Variants in CTBP2 observed in about 807,000 individuals in gnomAD.
The protein encoded by CTBP2 is C-terminal binding protein 2, also known as C-terminal-binding protein 2.
In CTBP2, 30 loss-of-function variants were observed where a neutral mutation model predicts 80.3. The observed-to-expected ratio is 0.37, with a 90% CI of 0.28 to 0.51. The LOEUF is 0.51. Among genes scored for constraint, CTBP2 ranks in the 20% least tolerant of loss-of-function variants. The pLI, the probability that CTBP2 is intolerant of heterozygous loss-of-function variation, is 0.93. For synonymous variants in CTBP2, 594 were observed against 587.4 expected (o/e 1.01, Z -0.16); for missense variants, 1,212 against 1,375.3 (o/e 0.88, Z 1.88).
chr10:125,027,557 G>A lies in CTBP2; in HGVS notation c.203C>T (p.Pro68Leu). 3 of 1,614,134 alleles carry A rather than the reference G, an allele frequency of 1.9e-6. No homozygotes were observed. The Middle Eastern group carries it at 5.0e-4, about 266-fold the overall frequency. Residue 68 changes from proline to leucine, a missense_variant, in exon 1 of 9, where the codon CCC becomes CTC. By Grantham distance (98) the Pro-to-Leu change is moderately conservative (BLOSUM62 -3). Around this residue, in one of 3 missense-constraint regions of CTBP2, gnomAD observed 848 missense variants for 782.3 expected, o/e 1.08. Transcript: ENST00000309035. ...ATAAACGGCCTCCCGGTACAGGTAG[G>A]GCTCGGCGGCCACGGGCAGGGCAGC... is the stretch of plus-strand genomic sequence containing the variant.
At chr10:125,128,671 C>T (rs565813120) in intron 1 of CTBP2, among the ~76,000 whole-genome samples, 1 of 152,314 alleles carries the variant, frequency 6.6e-6, no homozygotes, top group South Asian at 2.1e-4. Flanking sequence ...AGAAAGCCAA[C>T]GTTCTGTAGG....
chr10:125,155,565 T>A (rs919204669), intron 1 of CTBP2, among the ~76,000 whole-genome samples: 3 of 152,180 alleles, frequency 2.0e-5, no homozygotes, highest in African/African-American at 7.2e-5. Context: ...AGAGTCACAC[T>A]GATGGCTTTT....
At chr10:125,125,614 G>C (rs1855103889) in intron 1 of CTBP2, among the ~76,000 whole-genome samples, 1 of 152,202 alleles carries the variant, frequency 6.6e-6, no homozygotes, top group Non-Finnish European at 1.5e-5. Context: ...TGGGTCATAT[G>C]CATGTCACAT....
At chr10:125,137,831 C>A (rs1056789669) in intron 1 of CTBP2, among the ~76,000 whole-genome samples, 12 of 152,202 alleles carry the variant, frequency 7.9e-5, no homozygotes, top group African/African-American at 2.9e-4. Context: ...AATCAAATCA[C>A]ACACCAAAAC....
At chr10:125,098,736 G>GAGAC (rs1850084215) in intron 2 of CTBP2, among the ~76,000 whole-genome samples, 1 of 122,548 alleles carries the variant, frequency 8.2e-6, no homozygotes, top group Admixed American at 8.2e-5. Context: ...GAGAGAGAGA[G>GAGAC]AGAGAGAGAG....
intron 2 of CTBP2, among the ~76,000 whole-genome samples, chr10:125,080,862 C>A (rs1209683394): frequency 6.6e-6 from 1 of 151,786 alleles, no homozygotes; most frequent in Non-Finnish European, 1.5e-5. Context: ...ACTGCACATG[C>A]GTCACCTCCA....
chr10:125,015,757 G>A (rs74163307), intron 1 of CTBP2, among the ~76,000 whole-genome samples: 1,872 of 152,326 alleles, frequency 0.012, 50 homozygotes, highest in African/African-American at 0.042. Context: ...CAACAGAAGG[G>A]GATGTTTGAG....
At chr10:125,134,190 A>T (rs1255005526) in intron 1 of CTBP2, among the ~76,000 whole-genome samples, 1 of 152,226 alleles carries the variant, frequency 6.6e-6, no homozygotes, top group Non-Finnish European at 1.5e-5. Flanking sequence ...CATCACCAAC[A>T]GCCAACATGA....
chr10:125,149,614 G>A (rs1389455203), intron 1 of CTBP2, among the ~76,000 whole-genome samples: 2 of 152,156 alleles, frequency 1.3e-5, no homozygotes, highest in Non-Finnish European at 2.9e-5. Context: ...CGGAAACCAA[G>A]GATTTCCAGA....
chr10:125,094,524 G>A (rs1303344008), intron 2 of CTBP2, among the ~76,000 whole-genome samples: 2 of 152,240 alleles, frequency 1.3e-5, no homozygotes, highest in Non-Finnish European at 2.9e-5. Flanking sequence ...TCCGTGCCAA[G>A]CACGGTATGG....
At chr10:125,134,769 C>G (rs961886559) in intron 1 of CTBP2, among the ~76,000 whole-genome samples, 3 of 152,068 alleles carry the variant, frequency 2.0e-5, no homozygotes, top group Admixed American at 2.0e-4. Context: ...AGTACAGATG[C>G]GTGTGGCCAG....
At chr10:125,020,700 C>A (rs1956952580) in intron 1 of CTBP2, among the ~76,000 whole-genome samples, 1 of 152,192 alleles carries the variant, frequency 6.6e-6, no homozygotes, top group South Asian at 2.1e-4. Context: ...CCCCTTGGAG[C>A]TCTCCAGATG....
chr10:125,021,965 G>C (rs1293498712), intron 1 of CTBP2, among the ~76,000 whole-genome samples: 1 of 152,240 alleles, frequency 6.6e-6, no homozygotes, highest in Non-Finnish European at 1.5e-5. Flanking sequence ...CAGAGTCCTG[G>C]CTATGTGGCT....
chr10:124,991,376 A>G (rs180782962), intron 8 of CTBP2, among the ~76,000 whole-genome samples: 114 of 152,328 alleles, frequency 7.5e-4, no homozygotes, highest in African/African-American at 2.6e-3. Flanking sequence ...GCTTACGTGA[A>G]GGATAAATAA....
intron 3 of CTBP2, among the ~76,000 whole-genome samples, chr10:125,035,964 A>G (rs1018285792): frequency 2.0e-5 from 3 of 152,248 alleles, no homozygotes; most frequent in Non-Finnish European, 4.4e-5. Flanking sequence ...GCATCAGAAA[A>G]AAAAGGAACA....
At position 125,080,541 on chromosome 10, in the gene CTBP2, T is replaced by C. The variant is rs78801261; in HGVS notation, c.-102+30449A>G. Among the ~76,000 whole-genome samples, 1,097 of 152,306 alleles carry C rather than the reference T, an allele frequency of 7.2e-3. 19 individuals are homozygous for C. The highest frequency in any genetic ancestry group is 0.026 in the African/African-American group (1,062 of 41,564). On this transcript the variant is annotated intron_variant, in intron 2 of 10. Transcript: ENST00000337195. Reference sequence around the variant, plus strand: ...ACCTGTGCCATCTTGGCTGTCATCATTGGAAACACAATCTCCTGTGGATCT... The same window carrying C: ...ACCTGTGCCATCTTGGCTGTCATCACTGGAAACACAATCTCCTGTGGATCT...
upstream of CTBP2, among the ~76,000 whole-genome samples, chr10:125,030,346 T>C (rs867977455): frequency 3.0e-4 from 45 of 152,280 alleles, no homozygotes; most frequent in Middle Eastern, 6.8e-3. Context: ...CATAGCTGTG[T>C]CGGGGAGAGA....
intron 2 of CTBP2, among the ~76,000 whole-genome samples, chr10:125,101,315 G>A (rs1344411863): frequency 6.6e-6 from 1 of 152,226 alleles, no homozygotes; most frequent in African/African-American, 2.4e-5. Flanking sequence ...AGGCTCTTTG[G>A]TCACACTTAA....
chr10:125,158,253 A>G (rs980645699), intron 1 of CTBP2, among the ~76,000 whole-genome samples: 1 of 152,200 alleles, frequency 6.6e-6, no homozygotes, highest in African/African-American at 2.4e-5. Context: ...CAAAACAGCA[A>G]TCTTAGGTAC....
Sources: allele counts gnomAD v4.1 joint callset (sites outside exome capture counted in the v4.1 genomes callset), GRCh38; gene constraint gnomAD v4.1.1; regional missense constraint gnomAD v4.1.1; transcripts MANE v1.5; gene names NCBI Gene and HGNC (gene_info 2026-07-23, HGNC 2026-07-21).